Variants in DENND1A observed in about 807,000 individuals in gnomAD.
DENND1A encodes the protein DENN domain containing 1A.
Under a neutral mutation model 113.7 loss-of-function variants are expected in DENND1A, and 51 were observed. The observed-to-expected ratio is 0.45, with a 90% CI of 0.36 to 0.57. DENND1A has a LOEUF of 0.57. Ranked by LOEUF, DENND1A falls within the 20% of genes least tolerant of loss-of-function variation. DENND1A has a pLI of 0.00. For synonymous variants in DENND1A, 565 were observed against 570.8 expected, an observed-to-expected ratio of 0.99 and a Z score of 0.14; for missense variants, 1,258 against 1,395.9, an observed-to-expected ratio of 0.90 and a Z score of 1.57.
At chr9:123,462,390 C>T (rs2048596383) in intron 13 of DENND1A, among the ~76,000 whole-genome samples, 2 of 152,236 alleles carry the variant, frequency 1.3e-5, no homozygotes, top group Admixed American at 1.3e-4. Flanking sequence ...TGGTGGCTTC[C>T]CAAACCCAGG....
intron 5 of DENND1A, among the ~76,000 whole-genome samples, chr9:123,718,346 G>A (rs1305952642): frequency 6.6e-6 from 1 of 152,160 alleles, no homozygotes; most frequent in Non-Finnish European, 1.5e-5. Context: ...CCAAAAGAAG[G>A]TGTGCCATAA....
rs73580124 is a variant in DENND1A at position 123,617,120 on chromosome 9, T to C, written c.720-7639A>G. Among the ~76,000 whole-genome samples the C allele has an allele frequency of 9.8e-3, 1,491 of 152,324 alleles. 17 individuals are homozygous for C. Among genetic ancestry groups the C allele is most frequent in the African/African-American group, 0.034 (1,403 of 41,570 alleles). ...TGAGAAGTAGAAAGTATGGGGTAAC[T>C]GCCATGAGGTAGGCAAGCTTTTTTC... On this transcript the variant is annotated intron_variant, in intron 10 of 23. Coordinates refer to ENST00000394215, the MANE Select transcript of DENND1A (RefSeq NM_001352964.2).
At chr9:123,499,181 A>C (rs766634080) in intron 13 of DENND1A, among the ~76,000 whole-genome samples, 27 of 151,748 alleles carry the variant, frequency 1.8e-4, no homozygotes, top group Non-Finnish European at 3.4e-4. Context: ...TTACAGGCAC[A>C]CGCCACCACG....
At chr9:123,914,059 T>C (rs1042066326) in intron 1 of DENND1A, among the ~76,000 whole-genome samples, 2 of 151,874 alleles carry the variant, frequency 1.3e-5, no homozygotes, top group East Asian at 1.9e-4. Context: ...GCCCTGATCA[T>C]AAAGATATAT....
chr9:123,549,534 C>G (rs1485277316), intron 13 of DENND1A, among the ~76,000 whole-genome samples: 1 of 152,102 alleles, frequency 6.6e-6, no homozygotes, highest in Non-Finnish European at 1.5e-5. Context: ...CACAGTCAGG[C>G]TCCTGCTCAC....
intron 13 of DENND1A, among the ~76,000 whole-genome samples, chr9:123,516,884 C>CAAAAAAAGAAAAAAAAAAAAAAAA (rs2053961453): frequency 1.1e-5 from 1 of 93,418 alleles, no homozygotes; most frequent in East Asian, 2.7e-4. Context: ...GACTCTGTCT[C>CAAAAAAAGAAAAAAAAAAAAAAAA]AAAAAAAAAA....
At chr9:123,851,974 G>C (rs1005817243) in intron 2 of DENND1A, among the ~76,000 whole-genome samples, 2 of 152,204 alleles carry the variant, frequency 1.3e-5, no homozygotes, top group Non-Finnish European at 2.9e-5. Flanking sequence ...TCTCAGGCTA[G>C]AGCAGGACTG....
At chr9:123,588,633 A>ACGGGG (rs1554894950) in intron 11 of DENND1A, among the ~76,000 whole-genome samples, 5 of 86,464 alleles carry the variant, frequency 5.8e-5, no homozygotes, top group African/African-American at 1.7e-4. Context: ...AAAAAAAAAA[A>ACGGGG]GGGGGGGGGG....
intron 1 of DENND1A, among the ~76,000 whole-genome samples, chr9:123,880,601 C>T (rs1848178876): frequency 6.6e-6 from 1 of 152,204 alleles, no homozygotes; most frequent in Non-Finnish European, 1.5e-5. Context: ...TGCCCAGCGG[C>T]ATCTACTTTT....
intron 1 of DENND1A, among the ~76,000 whole-genome samples, chr9:123,919,229 T>G (rs1412364438): frequency 6.6e-6 from 1 of 152,038 alleles, no homozygotes; most frequent in African/African-American, 2.4e-5. Context: ...CCCAGCACTT[T>G]GGGAGGCCTA....
chr9:123,507,736 C>T (rs1353535987), intron 13 of DENND1A, among the ~76,000 whole-genome samples: 1 of 151,026 alleles, frequency 6.6e-6, no homozygotes, highest in Non-Finnish European at 1.5e-5. Flanking sequence ...ACTCCTGCAG[C>T]CCTCAGCTAC....
intron 21 of DENND1A, among the ~76,000 whole-genome samples, chr9:123,392,560 T>G (rs2042913606): frequency 6.6e-6 from 1 of 152,206 alleles, no homozygotes; most frequent in Non-Finnish European, 1.5e-5. Context: ...AGGTCCTGCC[T>G]GTCCGGTGGG....
At chr9:123,399,585 C>T (rs2043319395) in intron 21 of DENND1A, among the ~76,000 whole-genome samples, 1 of 152,188 alleles carries the variant, frequency 6.6e-6, no homozygotes. Context: ...CTCTTTCCTT[C>T]CCCAAGAAGA....
chr9:123,773,079 G>T (rs1251144464), intron 3 of DENND1A, among the ~76,000 whole-genome samples: 1 of 152,112 alleles, frequency 6.6e-6, no homozygotes, highest in East Asian at 1.9e-4. Context: ...TTCCAAAAGG[G>T]TTTTTCTTCC....
rs1199696725 is a variant in DENND1A, at chr9:123,796,358, C to T, written c.89-3728G>A. Among the ~76,000 whole-genome samples, 4 of 152,204 alleles carry T rather than the reference C, an allele frequency of 2.6e-5. No homozygotes were observed. In the East Asian group the frequency reaches 7.7e-4, roughly 29 times the overall value. Reference sequence around the variant, plus strand: ...AGCACAATCTCACTCAGGCACAGAACATGACCATGCTTAAAAAGCTATGTC... The same window carrying T: ...AGCACAATCTCACTCAGGCACAGAATATGACCATGCTTAAAAAGCTATGTC... On this transcript the variant is annotated intron_variant, in intron 2 of 23. Coordinates refer to ENST00000394215, the MANE Select transcript of DENND1A (RefSeq NM_001352964.2).
chr9:123,638,618 C>T (rs997853434), intron 9 of DENND1A, among the ~76,000 whole-genome samples: 1 of 152,078 alleles, frequency 6.6e-6, no homozygotes, highest in Admixed American at 6.6e-5. Flanking sequence ...AATGCCACCA[C>T]GCCCAGCTAA....
At chr9:123,543,983 T>G (rs2056473703) in intron 13 of DENND1A, among the ~76,000 whole-genome samples, 1 of 152,250 alleles carries the variant, frequency 6.6e-6, no homozygotes, top group South Asian at 2.1e-4. Context: ...TTGTTCCATG[T>G]TGTGCTAACA....
At chr9:123,500,988 C>G (rs181244017) in intron 13 of DENND1A, among the ~76,000 whole-genome samples, 82 of 152,308 alleles carry the variant, frequency 5.4e-4, no homozygotes, top group African/African-American at 1.9e-3. Context: ...ACGGTTAGTT[C>G]AGTGATATTA....
intron 2 of DENND1A, among the ~76,000 whole-genome samples, chr9:123,805,211 C>T (rs1300900069): frequency 1.3e-5 from 2 of 152,050 alleles, no homozygotes; most frequent in African/African-American, 2.4e-5. Flanking sequence ...TTCCTCATTC[C>T]ATTTTCCTGG....
Sources: gnomAD v4.1 joint callset for allele counts (sites outside exome capture counted in the v4.1 genomes callset) on GRCh38, gnomAD v4.1.1 for gene constraint, MANE v1.5 for transcripts, NCBI Gene and HGNC (gene_info 2026-07-23, HGNC 2026-07-21) for gene names.